SMOC1: variants seen among roughly 807,000 people sequenced by gnomAD.
SMOC1 encodes the protein SPARC related modular calcium binding 1, also known as SPARC-related modular calcium-binding protein 1.
SMOC1 carries 22 observed loss-of-function variants against 56.3 expected under a neutral mutation model. That is an observed-to-expected ratio of 0.39 (90% confidence interval 0.28 to 0.56). The LOEUF is 0.56. Among genes scored for constraint, SMOC1 ranks in the 20% least tolerant of loss-of-function variants. The pLI is 0.61. For missense variants in SMOC1, 509 were observed against 565.4 expected, an observed-to-expected ratio of 0.90 and a Z score of 1.01; for synonymous variants, 193 against 215.0, an observed-to-expected ratio of 0.90 and a Z score of 0.89.
chr14:69,971,247 A>G (rs982553486), intron 3 of SMOC1, among the ~76,000 whole-genome samples: 5 of 152,052 alleles, frequency 3.3e-5, no homozygotes, highest in Non-Finnish European at 7.4e-5. Context: ...CGAACTCCTG[A>G]TCTCCAGTGA....
intron 1 of SMOC1, among the ~76,000 whole-genome samples, chr14:69,908,454 C>A (rs1448919355): frequency 6.6e-6 from 1 of 152,152 alleles, no homozygotes; most frequent in South Asian, 2.1e-4. Flanking sequence ...TGATGTTTCA[C>A]ACCCTTGGAT....
chr14:69,985,144 AG>A (rs1884322172), intron 5 of SMOC1, among the ~76,000 whole-genome samples: 1 of 152,202 alleles, frequency 6.6e-6, no homozygotes, highest in Admixed American at 6.5e-5. Flanking sequence ...ACACAAGAAG[AG>A]GCTCAGCATC....
At chr14:69,980,939 C>A (rs1884157545) in intron 5 of SMOC1, among the ~76,000 whole-genome samples, 1 of 152,142 alleles carries the variant, frequency 6.6e-6, no homozygotes, top group South Asian at 2.1e-4. Flanking sequence ...GAATATCCTC[C>A]ACTGACCGGG....
At chr14:69,931,770 A>G (rs1376170288) in intron 1 of SMOC1, among the ~76,000 whole-genome samples, 1 of 152,210 alleles carries the variant, frequency 6.6e-6, no homozygotes. Context: ...CAAGGTTTAC[A>G]TGGAGAAAGG....
intron 1 of SMOC1, among the ~76,000 whole-genome samples, chr14:69,924,485 C>A (rs752596204): frequency 6.0e-4 from 91 of 152,010 alleles, no homozygotes; most frequent in Middle Eastern, 3.2e-3. Context: ...ATCCCACATT[C>A]CGTAATGGGA....
rs1214891549 is a variant in SMOC1 at position 70,031,372 on chromosome 14, C to T, written c.*1114C>T. ...GATTGGGTGTGACCTCTCCACTCCT[C>T]CATCTCCTGCTGTTGTCCTAGTGGC... On this transcript the variant is annotated 3_prime_UTR_variant, in exon 12 of 12. Transcript: ENST00000361956. 6.1e-5 allele frequency: 9 copies of T among 147,132 alleles called. No homozygotes were observed. Among genetic ancestry groups the T allele is most frequent in the East Asian group, 2.1e-4 (1 of 4,828 alleles). 9.1% of individuals were successfully genotyped at this position (147,132 alleles called of 1,614,324 possible).
intron 7 of SMOC1, among the ~76,000 whole-genome samples, chr14:70,008,057 CT>C (rs1488638241): frequency 1.3e-5 from 2 of 152,002 alleles, no homozygotes; most frequent in African/African-American, 2.4e-5. Flanking sequence ...TGCAGTCAGG[CT>C]TTTAAAAAAT....
At chr14:69,919,454 T>A (rs1446341721) in intron 1 of SMOC1, among the ~76,000 whole-genome samples, 1 of 152,238 alleles carries the variant, frequency 6.6e-6, no homozygotes, top group Non-Finnish European at 1.5e-5. Flanking sequence ...ATAGTTATAA[T>A]TTAACCACTT....
intron 1 of SMOC1, among the ~76,000 whole-genome samples, chr14:69,917,359 G>A (rs1181467449): frequency 6.6e-6 from 1 of 152,212 alleles, no homozygotes; most frequent in African/African-American, 2.4e-5. Context: ...CCTGCCCAGC[G>A]TTTGCCTATA....
chr14:69,936,615 C>T (rs185693651), intron 1 of SMOC1, among the ~76,000 whole-genome samples: 4 of 152,326 alleles, frequency 2.6e-5, no homozygotes, highest in South Asian at 2.1e-4. Context: ...TGCCGGCCAG[C>T]GTTGGATGCT....
chr14:69,984,679 C>T (rs1483198581), intron 5 of SMOC1, among the ~76,000 whole-genome samples: 1 of 127,852 alleles, frequency 7.8e-6, no homozygotes, highest in Admixed American at 7.3e-5. Context: ...CCTATCTCTA[C>T]TAAAAAAAAA....
chr14:69,911,475 T>C (rs1450837405), intron 1 of SMOC1, among the ~76,000 whole-genome samples: 1 of 152,258 alleles, frequency 6.6e-6, no homozygotes, highest in African/African-American at 2.4e-5. Flanking sequence ...AGTTCCATCC[T>C]TGCTCCGCAC....
chr14:70,012,699 C>T (rs1332802841), intron 9 of SMOC1, among the ~76,000 whole-genome samples: 1 of 152,140 alleles, frequency 6.6e-6, no homozygotes, highest in East Asian at 1.9e-4. Context: ...ACCCATTTAT[C>T]CAGTTGTGTG....
At chr14:69,923,990 C>T (rs1594804146) in intron 1 of SMOC1, among the ~76,000 whole-genome samples, 1 of 152,196 alleles carries the variant, frequency 6.6e-6, no homozygotes, top group African/African-American at 2.4e-5. Context: ...ATTCACAGTA[C>T]TTTCAGCAAC....
At chr14:69,984,697 A>G (rs1331567108) in intron 5 of SMOC1, among the ~76,000 whole-genome samples, 1 of 146,582 alleles carries the variant, frequency 6.8e-6, no homozygotes, top group African/African-American at 2.6e-5. Flanking sequence ...AAAAAAAAAA[A>G]TACAAAAATT....
Position 70,026,426 on chromosome 14 carries a change from C to A in SMOC1, c.1291+2979C>A, listed in dbSNP as rs1157244371. Among the ~76,000 whole-genome samples, 4 of 152,328 alleles carry A rather than the reference C, an allele frequency of 2.6e-5. No individual in the cohort carries two copies. The East Asian group carries it at 5.8e-4, about 22-fold the overall frequency. On this transcript the variant is annotated intron_variant, in intron 11 of 11. Coordinates refer to ENST00000361956, the MANE Select transcript of SMOC1 (RefSeq NM_001034852.3). The stretch of plus-strand genomic sequence containing the variant: ...ACTCCTCCTAGCCTTCCTCTGAAGC[C>A]TTTCCAGGCACCAGGTGTCTGCCAG...
At chr14:69,880,110 G>C (rs4902761) in intron 1 of SMOC1, among the ~76,000 whole-genome samples, 97,637 of 150,872 alleles carry the variant, frequency 0.65, 33,122 homozygotes, top group East Asian at 0.98. Flanking sequence ...CTCCGCTCAT[G>C]CAGGGCTTCC....
chr14:69,935,137 T>G (rs1885263617), intron 1 of SMOC1, among the ~76,000 whole-genome samples: 1 of 152,196 alleles, frequency 6.6e-6, no homozygotes, highest in Non-Finnish European at 1.5e-5. Flanking sequence ...TAGTCTTCTT[T>G]CTTGGAACTT....
chr14:69,948,376 A>G (rs1041734124), intron 1 of SMOC1, among the ~76,000 whole-genome samples: 18 of 152,138 alleles, frequency 1.2e-4, no homozygotes, highest in African/African-American at 4.1e-4. Context: ...CTAGACAGGA[A>G]TATTTTGGGT....
Sources: gnomAD v4.1 joint callset for allele counts (sites outside exome capture counted in the v4.1 genomes callset) on GRCh38, gnomAD v4.1.1 for gene constraint, MANE v1.5 for transcripts, NCBI Gene and HGNC (gene_info 2026-07-23, HGNC 2026-07-21) for gene names.